The following SHISA7 variants were observed in gnomAD, a reference collection of about 807,000 sequenced individuals.
The protein encoded by SHISA7 is protein shisa-7.
In SHISA7, 6 loss-of-function variants were observed where a neutral mutation model predicts 23.9. That is an observed-to-expected ratio of 0.25 (90% CI 0.14 to 0.50). SHISA7 has a LOEUF of 0.50. Among genes scored for constraint, SHISA7 ranks in the 20% least tolerant of loss-of-function variants. The probability of loss-of-function intolerance (pLI) is 0.98; values close to 1 mark genes in which losing one functional copy is unlikely to be tolerated. For missense variants in SHISA7, 671 were observed against 801.1 expected (o/e 0.84, Z 1.96); for synonymous variants, 386 against 398.3 (o/e 0.97, Z 0.37).
chr19:55,434,477 G>GGT (rs758772588), intron 3 of SHISA7, among the ~76,000 whole-genome samples: 1 of 118,920 alleles, frequency 8.4e-6, no homozygotes, highest in Non-Finnish European at 1.8e-5. Flanking sequence ...GTGTGTGTAT[G>GGT]GTGTGTGTGT....
intron 3 of SHISA7, among the ~76,000 whole-genome samples, chr19:55,435,286 T>C (rs938198508): frequency 1.0e-4 from 14 of 133,612 alleles, no homozygotes; most frequent in South Asian, 7.4e-4. Context: ...TGCGTGTGTG[T>C]ATATGTGGTG....
At chr19:55,440,555 TG>T in intron 2 of SHISA7, 55 bp downstream of exon 2, 1 of 1,246,640 alleles carries the variant, frequency 8.0e-7, no homozygotes, top group African/African-American at 1.6e-5. Context: ...CGGGGCTACA[TG>T]ATGAAGGGGC....
At position 55,434,435 on chromosome 19, in the gene SHISA7, GGTGT is replaced by G. The variant is rs1278364409; in HGVS notation, c.977-643_977-640del. ...TGGTGTGTGTGTATGGTGTGTGTGT[GGTGT>G]GTGTGTGTGGGTGTGTGGTTGTGTG... On this transcript the variant is annotated intron_variant, in intron 3 of 3. Coordinates refer to ENST00000376325, the MANE Select transcript of SHISA7 (RefSeq NM_001145176.2). Among the ~76,000 whole-genome samples the G allele has an allele frequency of 2.0e-3, 247 of 126,616 alleles. 1 individual carries two copies. Among genetic ancestry groups the G allele is most frequent in the African/African-American group, 6.8e-3 (224 of 33,112 alleles). 83.1% of individuals were successfully genotyped at this position (126,616 alleles called of 152,430 possible).
chr19:55,433,405 C>G lies in SHISA7; in HGVS notation c.1368G>C (p.Leu456=). ...GCGGTGTTGGGGGCCCCCCGGGCCCCAGCAGCAGGTTGGAGTGCGAGGCGG... is the reference window on the plus strand; with the variant it reads ...GCGGTGTTGGGGGCCCCCCGGGCCCGAGCAGCAGGTTGGAGTGCGAGGCGG... ...SLAASHSNLL[L]GPGGPPTPLR... is the part of the protein sequence containing the mutation. The change falls in exon 4 of 4, where the codon CTG becomes CTC. Residue 456 remains leucine, a synonymous_variant. Transcript: ENST00000376325. This position sits in a 1 kb window ranked among gnomAD's most constrained non-coding sequence, Gnocchi z 8.4. 7.5e-7 allele frequency: 1 copy of G among 1,325,420 alleles called. No homozygotes were observed. The highest frequency in any genetic ancestry group is 2.1e-5 in the South Asian group (1 of 47,714). The allele number at this position is 1,325,420 out of a possible 1,614,324, so 82.1% of individuals were successfully genotyped here. A position where few individuals can be genotyped will look rare whatever the true frequency, so the allele number is the denominator to read the frequency against.
intron 3 of SHISA7, among the ~76,000 whole-genome samples, chr19:55,434,822 T>TGC (rs1985364452): frequency 4.2e-5 from 3 of 71,974 alleles, no homozygotes; most frequent in East Asian, 3.0e-3. Flanking sequence ...ATGGTGTGTA[T>TGC]GTGTGTGTGG....
rs796101232 is a variant in SHISA7, at chr19:55,434,824, T to C, written c.977-1028A>G. ...TGTGCGTGTGTGCATGGTGTGTATG[T>C]GTGTGTGGTGTGTGGTGTGTGTGTG... is the stretch of plus-strand genomic sequence containing the variant. On this transcript the variant is annotated intron_variant, in intron 3 of 3. Transcript: ENST00000376325. Among the ~76,000 whole-genome samples, 320 of 75,490 alleles carry C rather than the reference T, an allele frequency of 4.2e-3. 5 individuals are homozygous for C. The East Asian group carries it at 0.047, about 11-fold the overall frequency. 49.5% of individuals were successfully genotyped at this position (75,490 alleles called of 152,430 possible).
rs776813110 is a variant in SHISA7 at position 55,433,514 on chromosome 19, G to A, written c.1259C>T (p.Ala420Val). ...QEHLLLSSPE[A>V]LRQSREHLLS... is the part of the protein sequence containing the mutation. The stretch of plus-strand genomic sequence containing the variant: ...CAGGTGCTCGCGACTCTGGCGCAGG[G>A]CCTCGGGCGAGGACAGCAGCAGGTG... Residue 420 changes from alanine (A) to valine (V), a missense_variant, in exon 4 of 4, where the codon GCC (alanine) becomes GTC (valine). Around this residue, in one of 5 missense-constraint regions of SHISA7, gnomAD observed 457 missense variants for 488.3 expected, o/e 0.94. Transcript: ENST00000376325. This position sits in a 1 kb window ranked among gnomAD's most constrained non-coding sequence, Gnocchi z 8.4. The A allele has an allele frequency of 5.2e-4, 765 of 1,473,800 alleles. No individual in the cohort carries two copies. Among genetic ancestry groups the A allele is most frequent in the Non-Finnish European group, 6.4e-4 (718 of 1,119,442 alleles). 91.3% of individuals were successfully genotyped at this position (1,473,800 alleles called of 1,614,324 possible).
At chr19:55,436,484 T>C (rs1480011462) in intron 3 of SHISA7, among the ~76,000 whole-genome samples, 3 of 150,912 alleles carry the variant, frequency 2.0e-5, no homozygotes, top group Non-Finnish European at 2.9e-5. Context: ...GCGCCTGTAA[T>C]CCCAGCTACT....
In SHISA7 at chr19:55,442,643, C is replaced by T. The variant is rs989740533; in HGVS notation, c.221G>A (p.Arg74Gln). The change falls in exon 1 of 4, where the codon CGG (arginine) becomes CAG (glutamine). Residue 74 changes from arginine (R) to glutamine (Q), a missense_variant. This residue lies in a region of SHISA7 where 96 missense variants were observed against 113.1 expected (regional missense o/e 0.85). Coordinates refer to ENST00000376325, the MANE Select transcript of SHISA7 (RefSeq NM_001145176.2). ...GPAGGAGAAA[R>Q]APPPAELCHG... Reference sequence around the variant, plus strand: ...GCAGAGCTCGGCGGGAGGGGGCGCCCGGGCCGCCGCGCCCGCCCCGCCCGC... The same window carrying T: ...GCAGAGCTCGGCGGGAGGGGGCGCCTGGGCCGCCGCGCCCGCCCCGCCCGC... 3.7e-6 allele frequency: 5 copies of T among 1,339,042 alleles called. No homozygotes were observed. The highest frequency in any genetic ancestry group is 3.7e-5 in the East Asian group (1 of 26,974). 82.9% of individuals were successfully genotyped at this position (1,339,042 alleles called of 1,614,324 possible).
chr19:55,439,493 G>C (rs956305923), intron 2 of SHISA7, among the ~76,000 whole-genome samples: 1 of 152,092 alleles, frequency 6.6e-6, no homozygotes, highest in Admixed American at 6.6e-5. Flanking sequence ...TCCTCTGCTG[G>C]AACTCCTCCG....
intron 3 of SHISA7, among the ~76,000 whole-genome samples, chr19:55,436,143 C>T (rs1469113638): frequency 1.3e-5 from 2 of 151,162 alleles, no homozygotes; most frequent in East Asian, 1.9e-4. Flanking sequence ...AAAAATTAGC[C>T]AGGAGTGGTG....
In SHISA7 at chr19:55,433,758, G is replaced by T. The variant is rs1160519464; in HGVS notation, c.1015C>A (p.Pro339Thr). 6.9e-7 allele frequency: 1 copy of T among 1,451,244 alleles called. No individual in the cohort carries two copies. The highest frequency in any genetic ancestry group is 2.8e-5 in the Admixed American group (1 of 35,156). 89.9% of individuals were successfully genotyped at this position (1,451,244 alleles called of 1,614,324 possible). The change falls in exon 4 of 4, where the codon CCC (proline) becomes ACC (threonine). Residue 339 changes from proline to threonine, a missense_variant. Coordinates refer to ENST00000376325, the MANE Select transcript of SHISA7 (RefSeq NM_001145176.2). The surrounding 1 kb of genome is among the most constrained non-coding windows in gnomAD (Gnocchi z 8.4). ...AGCGTGCCGCGGGGCAATTCCAGGGGCCGGCGCTTCAGGTAGGCCTCGTCC... is the reference window on the plus strand; with the variant it reads ...AGCGTGCCGCGGGGCAATTCCAGGGTCCGGCGCTTCAGGTAGGCCTCGTCC... ...DLDEAYLKRR[P>T]LELPRGTLPL...
At chr19:55,434,725 T>C (rs1985350390) in intron 3 of SHISA7, among the ~76,000 whole-genome samples, 1 of 93,422 alleles carries the variant, frequency 1.1e-5, no homozygotes, top group African/African-American at 4.4e-5. Flanking sequence ...TGTGGTTGTG[T>C]GGTGTGTGTG....
chr19:55,438,953 TC>T (rs1243433075), intron 2 of SHISA7, among the ~76,000 whole-genome samples: 2 of 152,072 alleles, frequency 1.3e-5, no homozygotes, highest in East Asian at 3.9e-4. Flanking sequence ...TCCACTTGGT[TC>T]CTTCTGACAT....
chr19:55,437,833 C>T, intron 2 of SHISA7, 79 bp from the exon 3 acceptor site: 1 of 1,468,266 alleles, frequency 6.8e-7, no homozygotes, highest in South Asian at 1.4e-5. Flanking sequence ...GCCCCTGCTC[C>T]ATCAGACCCA....
At chr19:55,435,229 TGTGTGTGC>T (rs551048855) in intron 3 of SHISA7, among the ~76,000 whole-genome samples, 3,977 of 100,130 alleles carry the variant, frequency 0.04, 246 homozygotes, top group African/African-American at 0.14. Context: ...TGTGTGTATG[TGTGTGTGC>T]GTGTGTGCGT....
rs1434732495 is a variant in SHISA7, at chr19:55,438,607, G to A, written c.827-853C>T. On this transcript the variant is annotated intron_variant, in intron 2 of 3. Transcript: ENST00000376325. ...TGGGGCTGTTGACGTTGAGGTGCAG[G>A]TAGCTGTGGTGCAGATTATCTGGGG... The A allele has an allele frequency of 2.3e-6, 3 of 1,304,328 alleles. No individual in the cohort carries two copies. In the South Asian group the frequency reaches 3.7e-5, roughly 16 times the overall value. The allele number at this position is 1,304,328 out of a possible 1,614,324, so 80.8% of individuals were successfully genotyped here.
intron 2 of SHISA7, 21 bp from the exon 3 acceptor site, chr19:55,437,775 C>T: frequency 6.5e-7 from 1 of 1,543,014 alleles, no homozygotes; most frequent in Non-Finnish European, 8.8e-7. Context: ...GGGGGCAGGG[C>T]CAGGGTCAGT....
chr19:55,440,967 G>A, intron 1 of SHISA7, among the ~76,000 whole-genome samples: 1 of 151,984 alleles, frequency 6.6e-6, no homozygotes, highest in Admixed American at 6.6e-5. Flanking sequence ...TGCTTGAAGC[G>A]CTGCTGCCTT....
Sources: gnomAD v4.1 joint callset for allele counts (sites outside exome capture counted in the v4.1 genomes callset) on GRCh38, gnomAD v4.1.1 for gene constraint, gnomAD v4.1.1 regional missense constraint, Gnocchi (gnomAD v3.1) non-coding constraint, MANE v1.5 for transcripts, NCBI Gene and HGNC (gene_info 2026-07-23, HGNC 2026-07-21) for gene names.